The following GRM7 variants were observed in gnomAD, a reference collection of about 807,000 sequenced individuals.
The protein encoded by GRM7 is glutamate metabotropic receptor 7, also known as metabotropic glutamate receptor 7.
Under a neutral mutation model 84.5 loss-of-function variants are expected in GRM7, and 35 were observed. That is an observed-to-expected ratio of 0.41 (90% CI 0.32 to 0.55). GRM7 has a LOEUF of 0.55. Ranked by LOEUF, GRM7 falls within the 20% of genes least tolerant of loss-of-function variation. The probability of loss-of-function intolerance (pLI) is 0.19; values close to 1 mark genes in which losing one functional copy is unlikely to be tolerated. For synonymous variants in GRM7, 487 were observed against 455.1 expected (o/e 1.07, Z -0.89); for missense variants, 1,003 against 1,194.6 (o/e 0.84, Z 2.36).
intron 1 of GRM7, among the ~76,000 whole-genome samples, chr3:7,034,418 T>A (rs1696301800): frequency 6.6e-6 from 1 of 152,142 alleles, no homozygotes; most frequent in Non-Finnish European, 1.5e-5. Flanking sequence ...AAAGAACCAC[T>A]TCTCCCAAAG....
chr3:7,189,637 T>C (rs1397644422), intron 2 of GRM7, among the ~76,000 whole-genome samples: 1 of 152,100 alleles, frequency 6.6e-6, no homozygotes, highest in African/African-American at 2.4e-5. Flanking sequence ...ACCTCAACCT[T>C]TTGTCTTACA....
intron 1 of GRM7, among the ~76,000 whole-genome samples, chr3:7,059,746 C>G (rs1463556674): frequency 1.3e-5 from 2 of 151,632 alleles, no homozygotes; most frequent in Non-Finnish European, 2.9e-5. Flanking sequence ...GATTAGTGCT[C>G]TTATAAAAGT....
intron 1 of GRM7, among the ~76,000 whole-genome samples, chr3:7,031,073 C>T (rs773320041): frequency 6.6e-6 from 1 of 152,040 alleles, no homozygotes; most frequent in Admixed American, 6.6e-5. Flanking sequence ...TCACATTATT[C>T]CTTAGGTAGA....
At chr3:7,510,172 A>G (rs556995276) in intron 7 of GRM7, among the ~76,000 whole-genome samples, 12 of 152,222 alleles carry the variant, frequency 7.9e-5, no homozygotes, top group South Asian at 4.1e-4. Context: ...TTCAGAGCCA[A>G]ACTTCTCTGG....
rs35042061 is a variant in GRM7, at chr3:7,682,539, T to TACACACAC, written c.2698+2270_2698+2277dup. Among the ~76,000 whole-genome samples the TACACACAC allele has an allele frequency of 5.1e-5, 6 of 117,800 alleles. No individual in the cohort carries two copies. The East Asian group carries it at 1.1e-3, about 21-fold the overall frequency. The allele number at this position is 117,800 out of a possible 152,430, so 77.3% of individuals were successfully genotyped here. On this transcript the variant is annotated intron_variant, in intron 9 of 9. Coordinates refer to ENST00000357716, the MANE Select transcript of GRM7 (RefSeq NM_000844.4). ...TATTCCAATAACAGCTTTATTTTTG[T>TACACACAC]ACACACACACACACACACACACACA...
chr3:7,353,797 C>A (rs1479796993), intron 4 of GRM7, among the ~76,000 whole-genome samples: 3 of 152,042 alleles, frequency 2.0e-5, no homozygotes, highest in Non-Finnish European at 4.4e-5. Flanking sequence ...TGACAGGCAC[C>A]AAGTGGTGGC....
intron 4 of GRM7, among the ~76,000 whole-genome samples, chr3:7,309,583 G>T (rs1700319569): frequency 1.3e-5 from 2 of 151,982 alleles, no homozygotes; most frequent in African/African-American, 4.8e-5. Context: ...TCCATATCAT[G>T]ACTACGTTCA....
At position 7,680,180 on chromosome 3, in the gene GRM7, A is replaced by G; in HGVS notation, c.2583A>G (p.Arg861=). Residue 861 remains arginine (R), a synonymous_variant, in exon 9 of 10, where the codon CGA becomes CGG. Coordinates refer to ENST00000357716, the MANE Select transcript of GRM7 (RefSeq NM_000844.4). The stretch of plus-strand genomic sequence containing the variant: ...AACTCAATGTCCAGAAACGGAAGCG[A>G]AGCTTCAAGGCGGTAGTCACAGCAG... The part of the protein sequence containing the change: ...HPELNVQKRK[R]SFKAVVTAAT... 1.2e-6 allele frequency: 2 copies of G among 1,614,198 alleles called. No individual in the cohort carries two copies. The highest frequency in any genetic ancestry group is 1.7e-6 in the Non-Finnish European group (2 of 1,180,016).
chr3:7,097,425 G>C (rs1054341958), intron 1 of GRM7, among the ~76,000 whole-genome samples: 33 of 152,138 alleles, frequency 2.2e-4, no homozygotes, highest in African/African-American at 7.7e-4. Flanking sequence ...ATAAACCTTG[G>C]CCTGAAAGAA....
intron 3 of GRM7, among the ~76,000 whole-genome samples, chr3:7,299,377 C>T (rs752631621): frequency 2.0e-5 from 3 of 152,140 alleles, no homozygotes; most frequent in African/African-American, 4.8e-5. Context: ...GACATGTTTC[C>T]ACAATGTAAA....
intron 1 of GRM7, among the ~76,000 whole-genome samples, chr3:6,945,015 A>T (rs1044071989): frequency 6.6e-6 from 1 of 151,184 alleles, no homozygotes; most frequent in Non-Finnish European, 1.5e-5. Context: ...GTAATTTGTG[A>T]CTTTCTCTTC....
At chr3:7,498,054 C>CATGTA (rs1443715207) in intron 7 of GRM7, among the ~76,000 whole-genome samples, 1 of 152,184 alleles carries the variant, frequency 6.6e-6, no homozygotes, top group African/African-American at 2.4e-5. Flanking sequence ...ATTTCCTCAT[C>CATGTA]ATGTAGTTTC....
At chr3:6,946,010 G>T (rs1698064830) in intron 1 of GRM7, among the ~76,000 whole-genome samples, 1 of 152,090 alleles carries the variant, frequency 6.6e-6, no homozygotes, top group African/African-American at 2.4e-5. Context: ...TTTGTAGGTT[G>T]CCTGTTCACT....
At chr3:6,868,877 T>C (rs908443279) in intron 1 of GRM7, among the ~76,000 whole-genome samples, 15 of 152,268 alleles carry the variant, frequency 9.9e-5, no homozygotes, top group African/African-American at 3.6e-4. Context: ...AGTTTTATAA[T>C]TGGTCATTTG....
chr3:7,602,457 A>G (rs987942575), intron 8 of GRM7, among the ~76,000 whole-genome samples: 4 of 152,190 alleles, frequency 2.6e-5, no homozygotes, highest in Non-Finnish European at 5.9e-5. Flanking sequence ...ACTGAAAGTC[A>G]GAATGCTTCT....
At chr3:7,587,481 G>A (rs1187909153) in intron 8 of GRM7, among the ~76,000 whole-genome samples, 1 of 152,184 alleles carries the variant, frequency 6.6e-6, no homozygotes, top group Non-Finnish European at 1.5e-5. Flanking sequence ...TGTCAGGAGA[G>A]GCTGTAATAT....
At position 6,863,216 on chromosome 3, in the gene GRM7, T is replaced by C. The variant is rs1694824203; in HGVS notation, c.519+1309T>C. Among the ~76,000 whole-genome samples, 1 of 152,028 alleles carries C rather than the reference T, an allele frequency of 6.6e-6. No homozygotes were observed. Among genetic ancestry groups the C allele is most frequent in the African/African-American group, 2.4e-5 (1 of 41,378 alleles). On this transcript the variant is annotated intron_variant, in intron 1 of 9. Transcript: ENST00000357716. The surrounding 1 kb of genome is among the most constrained non-coding windows in gnomAD (Gnocchi z 4.8). Reference sequence around the variant, plus strand: ...CTCCCAAGTTCTTGGTTCATCTCCGTATTAAAATGACCCTTTTCCAGTGCA... The same window carrying C: ...CTCCCAAGTTCTTGGTTCATCTCCGCATTAAAATGACCCTTTTCCAGTGCA...
chr3:7,154,520 T>C (rs993608151), intron 2 of GRM7, among the ~76,000 whole-genome samples: 1 of 152,126 alleles, frequency 6.6e-6, no homozygotes, highest in Non-Finnish European at 1.5e-5. Context: ...GAAGGTGAAG[T>C]GAACTCTTTC....
At chr3:6,909,388 T>A (rs1296910282) in intron 1 of GRM7, among the ~76,000 whole-genome samples, 1 of 152,174 alleles carries the variant, frequency 6.6e-6, no homozygotes, top group East Asian at 1.9e-4. Context: ...CCCATTTGCC[T>A]TTCTAATTAT....
Sources: allele counts gnomAD v4.1 joint callset (sites outside exome capture counted in the v4.1 genomes callset), GRCh38; gene constraint gnomAD v4.1.1; non-coding constraint Gnocchi (gnomAD v3.1); transcripts MANE v1.5; gene names NCBI Gene and HGNC (gene_info 2026-07-23, HGNC 2026-07-21).